The following ABLIM2 variants were observed in gnomAD, a reference collection of about 807,000 sequenced individuals.
The protein encoded by ABLIM2 is actin binding LIM protein family member 2.
ABLIM2 carries 53 observed loss-of-function variants against 97.7 expected under a neutral mutation model. That is an observed-to-expected ratio of 0.54 (90% CI 0.44 to 0.68). ABLIM2 has a LOEUF of 0.68. Ranked by LOEUF, ABLIM2 falls within the 30% of genes least tolerant of loss-of-function variation. The pLI, the probability that ABLIM2 is intolerant of heterozygous loss-of-function variation, is 0.00. For synonymous variants in ABLIM2, 361 were observed against 345.8 expected (o/e 1.04, Z -0.49); for missense variants, 835 against 867.2 (o/e 0.96, Z 0.47).
At chr4:7,995,995 G>A (rs546727785) in intron 16 of ABLIM2, among the ~76,000 whole-genome samples, 160 of 152,264 alleles carry the variant, frequency 1.1e-3, no homozygotes, top group African/African-American at 3.0e-3. Context: ...AAGGCCTCCT[G>A]CCTTGCAGTC....
rs1307717438 is a variant in ABLIM2 at position 8,068,877 on chromosome 4, A to T, written c.676-7823T>A. On this transcript the variant is annotated intron_variant, in intron 6 of 20. Transcript: ENST00000447017. This position sits in a 1 kb window ranked among gnomAD's most constrained non-coding sequence, Gnocchi z 4.5. ...AAAGACCTAATCACCATGATGCACA[A>T]ACAAAATGAAATTTACAAAGAAACA... Among the ~76,000 whole-genome samples the T allele has an allele frequency of 6.6e-6, 1 of 152,276 alleles. No homozygotes were observed. Among genetic ancestry groups the T allele is most frequent in the Non-Finnish European group, 1.5e-5 (1 of 68,048 alleles).
intron 20 of ABLIM2, among the ~76,000 whole-genome samples, chr4:7,975,568 T>C (rs1732337824): frequency 6.6e-6 from 1 of 152,218 alleles, no homozygotes; most frequent in Non-Finnish European, 1.5e-5. Flanking sequence ...CACATGCTGC[T>C]CCACTAAATG....
Position 8,082,789 on chromosome 4 carries a change from C to A in ABLIM2, c.455-1987G>T, listed in dbSNP as rs1820754953. Among the ~76,000 whole-genome samples, 1 of 152,192 alleles carries A rather than the reference C, an allele frequency of 6.6e-6. No individual in the cohort carries two copies. Among genetic ancestry groups the A allele is most frequent in the Admixed American group, 6.5e-5 (1 of 15,272 alleles). ...GAACCAAAGTGAGAGGATGCCTCCGCCCTTCTCAAGTCCAGGAGGCGACCC... is the reference window on the plus strand; with the variant it reads ...GAACCAAAGTGAGAGGATGCCTCCGACCTTCTCAAGTCCAGGAGGCGACCC... On this transcript the variant is annotated intron_variant, in intron 4 of 20. Coordinates refer to ENST00000447017, the MANE Select transcript of ABLIM2 (RefSeq NM_001130083.2). This position sits in a 1 kb window ranked among gnomAD's most constrained non-coding sequence, Gnocchi z 5.6.
intron 6 of ABLIM2, among the ~76,000 whole-genome samples, chr4:8,065,997 AG>A (rs1806929382): frequency 2.7e-5 from 1 of 37,258 alleles, no homozygotes; most frequent in Non-Finnish European, 5.2e-5. Flanking sequence ...AGGGGAGGGG[AG>A]GGAGAAAGGA....
At chr4:7,990,494 A>T (rs1747817227) in intron 17 of ABLIM2, among the ~76,000 whole-genome samples, 1 of 152,062 alleles carries the variant, frequency 6.6e-6, no homozygotes, top group Non-Finnish European at 1.5e-5. Flanking sequence ...CCTCTCATGT[A>T]ATATTTGTTT....
rs1774389728 is a variant in ABLIM2, at chr4:8,022,464, G to A, written c.1268-2161C>T. ...CAGATACTTGGAGGGGCCTGAGGCC[G>A]CAGGGAAGCTGGGGACACAGCCATG... On this transcript the variant is annotated intron_variant, in intron 12 of 20. Transcript: ENST00000447017. The surrounding 1 kb of genome is among the most constrained non-coding windows in gnomAD (Gnocchi z 7.8). 1.3e-5 allele frequency among the ~76,000 whole-genome samples: 2 copies of A among 152,220 alleles called. No individual in the cohort carries two copies. Among genetic ancestry groups the A allele is most frequent in the South Asian group, 2.1e-4 (1 of 4,826 alleles).
chr4:8,045,106 G>C, intron 9 of ABLIM2, 58 bp downstream of exon 9: 1 of 1,516,958 alleles, frequency 6.6e-7, no homozygotes, highest in Non-Finnish European at 9.2e-7. Context: ...ACGGCCACCG[G>C]GCCCCCCTTC....
Position 8,125,886 on chromosome 4 carries a change from C to T in ABLIM2, c.11-19249G>A, listed in dbSNP as rs560381811. Among the ~76,000 whole-genome samples, 12 of 152,166 alleles carry T rather than the reference C, an allele frequency of 7.9e-5. No individual in the cohort carries two copies. The highest frequency in any genetic ancestry group is 1.8e-4 in the Non-Finnish European group (12 of 68,014). ...GAGGGCGAACTCACACTCGGCTGTG[C>T]GTGGGCAGCCTTGGGGGACCCGCCG... On this transcript the variant is annotated intron_variant, in intron 1 of 20. Coordinates refer to ENST00000447017, the MANE Select transcript of ABLIM2 (RefSeq NM_001130083.2). This position sits in a 1 kb window ranked among gnomAD's most constrained non-coding sequence, Gnocchi z 6.2.
intron 1 of ABLIM2, 35 bp from the exon 2 acceptor site, chr4:8,106,672 T>C: frequency 6.4e-7 from 1 of 1,572,306 alleles, no homozygotes; most frequent in South Asian, 1.2e-5. Context: ...CGTTCAAGGG[T>C]GGATGTGTGA....
At position 8,054,074 on chromosome 4, in the gene ABLIM2, G is replaced by T; in HGVS notation, c.822+114C>A. ...TAAGCCTGGCTGCCCCCATCCTGCA[G>T]CCCGTGGGACTGGACAATGAGCCTG... is the stretch of plus-strand genomic sequence containing the variant. On this transcript the variant is annotated intron_variant, in intron 8 of 20. Coordinates refer to ENST00000447017, the MANE Select transcript of ABLIM2 (RefSeq NM_001130083.2). The surrounding 1 kb of genome is among the most constrained non-coding windows in gnomAD (Gnocchi z 4.9). 2 of 1,244,516 alleles carry T rather than the reference G, an allele frequency of 1.6e-6. No individual in the cohort carries two copies. The highest frequency in any genetic ancestry group is 2.3e-6 in the Non-Finnish European group (2 of 856,470). 77.1% of individuals were successfully genotyped at this position (1,244,516 alleles called of 1,614,324 possible). A position where few individuals can be genotyped will look rare whatever the true frequency, so the allele number is the denominator to read the frequency against.
chr4:7,971,062 G>A (rs1410777564), intron 20 of ABLIM2, among the ~76,000 whole-genome samples: 1 of 152,108 alleles, frequency 6.6e-6, no homozygotes, highest in Admixed American at 6.5e-5. Flanking sequence ...CATAACTCTG[G>A]GCTCCAGCTG....
At chr4:8,013,350 G>A (rs906277211) in intron 14 of ABLIM2, among the ~76,000 whole-genome samples, 14 of 150,268 alleles carry the variant, frequency 9.3e-5, no homozygotes, top group Admixed American at 1.3e-4. Flanking sequence ...AGCCTCCCGC[G>A]TAGCTGGGAT....
At chr4:8,101,858 G>A (rs891532808) in intron 2 of ABLIM2, among the ~76,000 whole-genome samples, 5 of 152,160 alleles carry the variant, frequency 3.3e-5, no homozygotes, top group South Asian at 2.1e-4. Context: ...TGTGCTATGC[G>A]TTTGACGTAT....
chr4:8,074,148 G>A (rs1461652264), intron 6 of ABLIM2, among the ~76,000 whole-genome samples: 1 of 130,764 alleles, frequency 7.6e-6, no homozygotes, highest in East Asian at 2.3e-4. Flanking sequence ...AGGGATGGAA[G>A]AAAGGCAAAT....
At position 8,113,409 on chromosome 4, in the gene ABLIM2, CTGTT is replaced by C. The variant is rs952882933; in HGVS notation, c.11-6776_11-6773del. Among the ~76,000 whole-genome samples, 4 of 152,258 alleles carry C rather than the reference CTGTT, an allele frequency of 2.6e-5. No individual in the cohort carries two copies. Among genetic ancestry groups the C allele is most frequent in the Middle Eastern group, 3.4e-3 (1 of 294 alleles). On this transcript the variant is annotated intron_variant, in intron 1 of 20. Coordinates refer to ENST00000447017, the MANE Select transcript of ABLIM2 (RefSeq NM_001130083.2). This position sits in a 1 kb window ranked among gnomAD's most constrained non-coding sequence, Gnocchi z 4.5. ...CGTGCCTGGCTGGGGATTTGCTTGA[CTGTT>C]TATTTCCGATCTGTGCCCACGGATC... is the stretch of plus-strand genomic sequence containing the variant.
rs962896252 is a variant in ABLIM2 at position 8,150,444 on chromosome 4, C to T, written c.10+8236G>A. Reference sequence around the variant, plus strand: ...ACAAGGCCCCATCGTGCCCTGAGGACAGACGCCAGCGAGGACAGAGGCAGC... The same window carrying T: ...ACAAGGCCCCATCGTGCCCTGAGGATAGACGCCAGCGAGGACAGAGGCAGC... On this transcript the variant is annotated intron_variant, in intron 1 of 20. Transcript: ENST00000447017. The surrounding 1 kb of genome is among the most constrained non-coding windows in gnomAD (Gnocchi z 6.3). Among the ~76,000 whole-genome samples, 6 of 152,214 alleles carry T rather than the reference C, an allele frequency of 3.9e-5. No homozygotes were observed. The highest frequency in any genetic ancestry group is 7.2e-5 in the African/African-American group (3 of 41,452).
chr4:8,119,642 TA>T (rs548694600), intron 1 of ABLIM2, among the ~76,000 whole-genome samples: 78 of 152,298 alleles, frequency 5.1e-4, no homozygotes, highest in African/African-American at 1.8e-3. Context: ...TCCTTCTTAC[TA>T]AACAATCTTA....
chr4:8,101,618 G>A (rs1418140973), intron 2 of ABLIM2, among the ~76,000 whole-genome samples: 2 of 152,212 alleles, frequency 1.3e-5, no homozygotes, highest in African/African-American at 2.4e-5. Flanking sequence ...CCGGACACAC[G>A]TCCTTCCCTC....
At chr4:8,084,920 G>T (rs1822350040) in intron 4 of ABLIM2, among the ~76,000 whole-genome samples, 1 of 152,228 alleles carries the variant, frequency 6.6e-6, no homozygotes. Flanking sequence ...CTCGCACTCT[G>T]CGACGGCCGC....
Sources: allele counts gnomAD v4.1 joint callset (sites outside exome capture counted in the v4.1 genomes callset), GRCh38; gene constraint gnomAD v4.1.1; non-coding constraint Gnocchi (gnomAD v3.1); transcripts MANE v1.5; gene names NCBI Gene and HGNC (gene_info 2026-07-23, HGNC 2026-07-21).